WASHC2C: variants seen among roughly 807,000 people sequenced by gnomAD.
WASHC2C encodes WASH complex subunit 2C.
A neutral mutation model predicts 142.2 loss-of-function variants in WASHC2C; 73 were observed. That is an observed-to-expected ratio of 0.51 (90% CI 0.43 to 0.62). The LOEUF (loss-of-function observed/expected upper bound fraction) is 0.62. WASHC2C is among the 20% of genes least tolerant of loss of function. The pLI is 0.00. For synonymous variants in WASHC2C, 337 were observed against 565.5 expected, an observed-to-expected ratio of 0.60 and a Z score of 5.73; for missense variants, 969 against 1,531.7, an observed-to-expected ratio of 0.63 and a Z score of 6.13.
chr10:45,732,700 A>G (rs545707223), intron 3 of WASHC2C, among the ~76,000 whole-genome samples: 47 of 152,340 alleles, frequency 3.1e-4, no homozygotes, highest in African/African-American at 1.1e-3. Flanking sequence ...TAGGATATAC[A>G]TAATTCTGAC....
chr10:45,756,377 C>T (rs1486634283), intron 15 of WASHC2C, among the ~76,000 whole-genome samples: 1 of 152,092 alleles, frequency 6.6e-6, no homozygotes, highest in Non-Finnish European at 1.5e-5. Context: ...GGGGTCTACG[C>T]TTGTTGACTT....
intron 5 of WASHC2C, among the ~76,000 whole-genome samples, chr10:45,742,673 T>C (rs1172014490): frequency 1.5e-4 from 23 of 152,182 alleles, no homozygotes; most frequent in Admixed American, 2.6e-4. Context: ...TACTGCTTTT[T>C]AGGGGACAGC....
chr10:45,768,700 CAT>C (rs1189495213), intron 19 of WASHC2C, among the ~76,000 whole-genome samples: 1 of 152,146 alleles, frequency 6.6e-6, no homozygotes, highest in African/African-American at 2.4e-5. Context: ...GTCTTGTTCA[CAT>C]GTGTGTTGCG....
chr10:45,729,170 C>T, intron 3 of WASHC2C, 144 bp downstream of exon 3: 1 of 1,058,280 alleles, frequency 9.4e-7, no homozygotes, highest in Non-Finnish European at 1.3e-6. Context: ...GGATTAACGC[C>T]TCTTTTTTAT....
upstream of WASHC2C, chr10:45,727,049 G>C: frequency 1.7e-6 from 2 of 1,148,348 alleles, no homozygotes; most frequent in Non-Finnish European, 2.3e-6. Flanking sequence ...CGCCCAACCC[G>C]CCTCTGCAGC....
At chr10:45,768,895 T>C (rs565552204) in intron 19 of WASHC2C, among the ~76,000 whole-genome samples, 6 of 150,354 alleles carry the variant, frequency 4.0e-5, no homozygotes, top group Non-Finnish European at 6.0e-5. Context: ...CAGAACCACA[T>C]TGGGAAGAGA....
chr10:45,765,692 G>A lies in WASHC2C; in HGVS notation c.1751G>A (p.Gly584Glu). 1 of 1,611,766 alleles carries A rather than the reference G, an allele frequency of 6.2e-7. No individual in the cohort carries two copies. The highest frequency in any genetic ancestry group is 8.5e-7 in the Non-Finnish European group (1 of 1,179,824). The change falls in exon 19 of 31, where the codon GGG becomes GAG. Residue 584 changes from glycine to glutamate, a missense_variant. Gly to Glu is a moderately conservative substitution (Grantham distance 98). Coordinates refer to ENST00000623400, the MANE Select transcript of WASHC2C (RefSeq NM_001330074.2). ...DDEDEEDNLF[G>E]GTAAKKQTLS... The stretch of plus-strand genomic sequence containing the variant: ...TTGCTTTTCTAGGATAATCTTTTTG[G>A]GGGTACAGCTGCTAAGAAGCAGACA...
At chr10:45,790,172 C>T (rs1477453609) in intron 29 of WASHC2C, among the ~76,000 whole-genome samples, 184 bp from the exon 30 acceptor site, 4 of 152,090 alleles carry the variant, frequency 2.6e-5, no homozygotes, top group Non-Finnish European at 5.9e-5. Flanking sequence ...GCATTTGAGC[C>T]GGGGTGAGAT....
At chr10:45,782,418 C>T (rs1317616996) in intron 23 of WASHC2C, among the ~76,000 whole-genome samples, 28 of 148,628 alleles carry the variant, frequency 1.9e-4, no homozygotes, top group African/African-American at 5.5e-4. Context: ...ACTTCATACC[C>T]GGGAAGAGGA....
chr10:45,788,534 A>G (rs2058210671), intron 28 of WASHC2C, among the ~76,000 whole-genome samples: 1 of 151,586 alleles, frequency 6.6e-6, no homozygotes, highest in African/African-American at 2.4e-5. Context: ...GGGCCAAGGG[A>G]GGGGTTGTGA....
chr10:45,789,055 G>A lies in WASHC2C; in HGVS notation c.3272G>A (p.Ser1091Asn). 1 of 1,612,056 alleles carries A rather than the reference G, an allele frequency of 6.2e-7. No homozygotes were observed. Among genetic ancestry groups the A allele is most frequent in the Non-Finnish European group, 8.5e-7 (1 of 1,179,860 alleles). Residue 1091 changes from serine (S) to asparagine (N), a missense_variant, in exon 29 of 31, where the codon AGC becomes AAC. Physicochemically the swap from Ser to Asn is conservative, Grantham distance 46. Transcript: ENST00000623400. ...CTCAGAGCAGCCAGTGGAGAAGACAGCACTGAGGAGGCCCTGGCAGCTGCC... is the reference window on the plus strand; with the variant it reads ...CTCAGAGCAGCCAGTGGAGAAGACAACACTGAGGAGGCCCTGGCAGCTGCC... ...PQLRAASGED[S>N]TEEALAAAAA...
Position 45,789,223 on chromosome 10 carries a change from G to T in WASHC2C, c.3440G>T (p.Arg1147Ile). 2 of 1,612,050 alleles carry T rather than the reference G, an allele frequency of 1.2e-6. No homozygotes were observed. Among genetic ancestry groups the T allele is most frequent in the Non-Finnish European group, 1.7e-6 (2 of 1,179,868 alleles). ...STGTGSQSVE[R>I]TKPKAKIAEN... ...GGCACTGGATCTCAGTCCGTGGAGA[G>T]AACAAAACCCAAGGCAAAGATAGCA... is the stretch of plus-strand genomic sequence containing the variant. Residue 1147 changes from arginine to isoleucine, a missense_variant, in exon 29 of 31, where the codon AGA becomes ATA. Arg to Ile is a moderately conservative substitution (Grantham distance 97, BLOSUM62 -3). Coordinates refer to ENST00000623400, the MANE Select transcript of WASHC2C (RefSeq NM_001330074.2).
At chr10:45,786,468 C>T in intron 26 of WASHC2C, 144 bp from the exon 27 acceptor site, 1 of 918,076 alleles carries the variant, frequency 1.1e-6, no homozygotes, top group Non-Finnish European at 1.8e-6. Flanking sequence ...AACATCAGGC[C>T]CCAGGAGAGA....
chr10:45,770,720 C>G (rs1418253908), intron 20 of WASHC2C, among the ~76,000 whole-genome samples: 79 of 152,194 alleles, frequency 5.2e-4, no homozygotes, highest in Non-Finnish European at 8.4e-4. Flanking sequence ...CATCTTTGGT[C>G]TCTGATTTAG....
intron 3 of WASHC2C, among the ~76,000 whole-genome samples, chr10:45,732,416 C>G (rs1307870245): frequency 1.3e-5 from 2 of 152,078 alleles, no homozygotes; most frequent in Non-Finnish European, 2.9e-5. Flanking sequence ...GGCCAGTGTT[C>G]TAGTGTCTAA....
chr10:45,783,411 G>T (rs1554888566), intron 23 of WASHC2C, among the ~76,000 whole-genome samples: 1 of 152,066 alleles, frequency 6.6e-6, no homozygotes, highest in Non-Finnish European at 1.5e-5. Flanking sequence ...TTGTTAATGT[G>T]ATTTATTTTG....
chr10:45,756,359 A>C (rs1454475153), intron 15 of WASHC2C, among the ~76,000 whole-genome samples: 2 of 152,002 alleles, frequency 1.3e-5, no homozygotes, highest in Admixed American at 1.3e-4. Context: ...GTGACAGTTA[A>C]AAAGAAAGGG....
chr10:45,751,273 C>T (rs2879156), intron 10 of WASHC2C, among the ~76,000 whole-genome samples: 1,724 of 150,500 alleles, frequency 0.011, 25 homozygotes, highest in African/African-American at 0.04. Flanking sequence ...GAGCCTGGTA[C>T]GAAAGCAGAA....
At chr10:45,779,833 G>A (rs1380826764) in intron 23 of WASHC2C, among the ~76,000 whole-genome samples, 92 of 139,418 alleles carry the variant, frequency 6.6e-4, no homozygotes, top group East Asian at 5.8e-3. Context: ...AAAAATACAA[G>A]AAATAGCTTG....
Sources: gnomAD v4.1 joint callset for allele counts (sites outside exome capture counted in the v4.1 genomes callset) on GRCh38, gnomAD v4.1.1 for gene constraint, MANE v1.5 for transcripts, NCBI Gene and HGNC (gene_info 2026-07-23, HGNC 2026-07-21) for gene names.